CLUH: variants seen among roughly 807,000 people sequenced by gnomAD.
The protein encoded by CLUH is CLUH binding protein of NUMT mRNA, also known as clustered mitochondria protein homolog.
A neutral mutation model predicts 139.3 loss-of-function variants in CLUH; 77 were observed. That is an observed-to-expected ratio of 0.55 (90% CI 0.46 to 0.67). The LOEUF (loss-of-function observed/expected upper bound fraction) is 0.67, where lower values mean the gene tolerates loss of function less well. Ranked by LOEUF, CLUH falls within the 30% of genes least tolerant of loss-of-function variation. The probability of loss-of-function intolerance (pLI) is 0.00; values close to 1 mark genes in which losing one functional copy is unlikely to be tolerated. For missense variants in CLUH, 1,876 were observed against 1,875.8 expected, an observed-to-expected ratio of 1.00 and a Z score of 0.00; for synonymous variants, 999 against 801.6, an observed-to-expected ratio of 1.25 and a Z score of -4.16.
Position 2,707,594 on chromosome 17 carries a change from C to T in CLUH, c.101-3030G>A. On this transcript the variant is annotated intron_variant, in intron 1 of 25. Coordinates refer to ENST00000651024, the MANE Select transcript of CLUH (RefSeq NM_001366661.1). The surrounding 1 kb of genome is among the most constrained non-coding windows in gnomAD (Gnocchi z 7.4). ...ACCCAGAATTTGGGGTACCTGGACCCCTCAAGATTGAGGGCCTAGGAGACT... is the reference window on the plus strand; with the variant it reads ...ACCCAGAATTTGGGGTACCTGGACCTCTCAAGATTGAGGGCCTAGGAGACT... 1.0e-6 allele frequency: 1 copy of T among 985,400 alleles called. No homozygotes were observed. Among genetic ancestry groups the T allele is most frequent in the Non-Finnish European group, 1.2e-6 (1 of 829,894 alleles). 61.0% of individuals were successfully genotyped at this position (985,400 alleles called of 1,614,324 possible). A position where few individuals can be genotyped will look rare whatever the true frequency, so the allele number is the denominator to read the frequency against.
intron 23 of CLUH, 41 bp from the exon 24 acceptor site, chr17:2,691,936 CGCGG>C: frequency 1.7e-5 from 19 of 1,125,090 alleles, no homozygotes; most frequent in South Asian, 1.2e-4. Flanking sequence ...CCCGTGCCCC[CGCGG>C]CCCCGCCCCC....
chr17:2,700,371 G>A lies in CLUH; in HGVS notation c.1266+11C>T, dbSNP rs745365456. On this transcript the variant is annotated intron_variant, in intron 9 of 25. Coordinates refer to ENST00000651024, the MANE Select transcript of CLUH (RefSeq NM_001366661.1). ...GGCCTCAGACTGCCGGTCAGCAGAG[G>A]CTGCAGGCACCTTGAATATGGCCCT... 4 of 1,610,162 alleles carry A rather than the reference G, an allele frequency of 2.5e-6. No homozygotes were observed. The highest frequency in any genetic ancestry group is 3.4e-6 in the Non-Finnish European group (4 of 1,178,342).
At position 2,701,130 on chromosome 17, in the gene CLUH, A is replaced by C; in HGVS notation, c.1025+10T>G. 1.9e-6 allele frequency: 3 copies of C among 1,613,804 alleles called. No homozygotes were observed. The highest frequency in any genetic ancestry group is 2.5e-6 in the Non-Finnish European group (3 of 1,179,858). On this transcript the variant is annotated intron_variant, in intron 7 of 25. Coordinates refer to ENST00000651024, the MANE Select transcript of CLUH (RefSeq NM_001366661.1). ...CCATGAGACAAGGCGGGAGGGGACA[A>C]AGGCACTACCTTTTCTTCTGCAGCA...
chr17:2,701,016 G>A (rs1002966107), intron 7 of CLUH, 124 bp downstream of exon 7: 52 of 1,522,544 alleles, frequency 3.4e-5, no homozygotes, highest in African/African-American at 3.3e-4. Flanking sequence ...TCCCTAGAGC[G>A]GGGACTCCAA....
intron 9 of CLUH, among the ~76,000 whole-genome samples, chr17:2,699,951 C>T (rs2070114959): frequency 6.6e-6 from 1 of 152,064 alleles, no homozygotes. Flanking sequence ...TTTTCTTAAG[C>T]AACTGCTTTT....
intron 13 of CLUH, chr17:2,695,829 C>G: frequency 1.7e-6 from 1 of 579,296 alleles, no homozygotes; most frequent in South Asian, 2.2e-5. Flanking sequence ...GGGGAGCACC[C>G]AGCATCCTGG....
rs760580215 is a variant in CLUH at position 2,701,926 on chromosome 17, C to T, written c.607G>A (p.Gly203Ser). The change falls in exon 4 of 26, where the codon GGC (glycine) becomes AGC (serine). Residue 203 changes from glycine (G) to serine (S), a missense_variant. Around this residue, in one of 3 missense-constraint regions of CLUH, gnomAD observed 270 missense variants for 354.7 expected, o/e 0.76. Transcript: ENST00000651024. ...GTGCCTCCCGCACCTCCCAGGTCGC[C>T]GTCGGTGAAGACACTCAGGAAGGAC... ...SLSFLSVFTD[G>S]DLGDSGKRKK... 1.1e-5 allele frequency: 18 copies of T among 1,613,752 alleles called. No individual in the cohort carries two copies. The highest frequency in any genetic ancestry group is 1.4e-5 in the Non-Finnish European group (17 of 1,179,914).
Position 2,701,693 on chromosome 17 carries a change from A to G in CLUH, c.664T>C (p.Cys222Arg). The G allele has an allele frequency of 6.3e-7, 1 of 1,591,698 alleles. No homozygotes were observed. Among genetic ancestry groups the G allele is most frequent in the Non-Finnish European group, 8.6e-7 (1 of 1,169,252 alleles). The change falls in exon 5 of 26, where the codon TGC (cysteine) becomes CGC (arginine). Residue 222 changes from cysteine (C) to arginine (R), a missense_variant. Coordinates refer to ENST00000651024, the MANE Select transcript of CLUH (RefSeq NM_001366661.1). ...KKGLEMDPID[C>R]TPPEYILPGS... ...GGCAGGATGTACTCGGGTGGTGTGC[A>G]GTCGATGGGGTCCATCTCCAAGCCC...
At chr17:2,708,380 C>T (rs1269570155) in intron 1 of CLUH, among the ~76,000 whole-genome samples, 2 of 152,138 alleles carry the variant, frequency 1.3e-5, no homozygotes, top group Admixed American at 6.5e-5. Flanking sequence ...GCAGGGCAGC[C>T]TGGCAGTGAC....
chr17:2,693,556 C>T (rs2069802491), intron 19 of CLUH, among the ~76,000 whole-genome samples: 1 of 127,520 alleles, frequency 7.8e-6, no homozygotes, highest in African/African-American at 3.0e-5. Context: ...CCCGGCCAGG[C>T]AGGGCACCCA....
intron 1 of CLUH, among the ~76,000 whole-genome samples, chr17:2,705,074 G>A (rs927692632): frequency 3.5e-5 from 5 of 141,112 alleles, no homozygotes; most frequent in African/African-American, 1.1e-4. Context: ...CTCCTGCCCC[G>A]TGGCTCACAC....
chr17:2,695,578 A>C (rs2069907990), intron 13 of CLUH, 52 bp from the exon 14 acceptor site: 1 of 1,518,828 alleles, frequency 6.6e-7, no homozygotes. Context: ...CCTCCACCCA[A>C]CTGAGTCCTT....
Position 2,701,672 on chromosome 17 carries a change from G to C in CLUH, c.685C>G (p.Leu229Val). The change falls in exon 5 of 26, where the codon CTG becomes GTG. Residue 229 changes from leucine (L) to valine (V), a missense_variant. Physicochemically the swap from Leu to Val is conservative, Grantham distance 32. Coordinates refer to ENST00000651024, the MANE Select transcript of CLUH (RefSeq NM_001366661.1). ...PIDCTPPEYI[L>V]PGSRERPLCP... Reference sequence around the variant, plus strand: ...AGTGGCCGCTCCCGGCTCCCTGGCAGGATGTACTCGGGTGGTGTGCAGTCG... The same window carrying C: ...AGTGGCCGCTCCCGGCTCCCTGGCACGATGTACTCGGGTGGTGTGCAGTCG... 1 of 1,599,608 alleles carries C rather than the reference G, an allele frequency of 6.3e-7. No homozygotes were observed. Among genetic ancestry groups the C allele is most frequent in the Non-Finnish European group, 8.5e-7 (1 of 1,173,122 alleles).
At position 2,698,175 on chromosome 17, in the gene CLUH, C is replaced by T. The variant is rs554152603; in HGVS notation, c.1682G>A (p.Arg561His). ...CAGGATCTTGAGGGGCCGACTCGTG[C>T]GCTCCAGCAGCTCCAGGTACCGCGG... ...SHPRYLELLE[R>H]TSRPLKILRH... The change falls in exon 10 of 26, where the codon CGC becomes CAC. Residue 561 changes from arginine (R) to histidine (H), a missense_variant. By Grantham distance (29) the Arg-to-His change is conservative. Coordinates refer to ENST00000651024, the MANE Select transcript of CLUH (RefSeq NM_001366661.1). 2.7e-5 allele frequency: 42 copies of T among 1,574,808 alleles called. No individual in the cohort carries two copies. Among genetic ancestry groups the T allele is most frequent in the South Asian group, 1.5e-4 (13 of 86,214 alleles).
chr17:2,696,456 G>C lies in CLUH; in HGVS notation c.2268C>G (p.Phe756Leu). Residue 756 changes from phenylalanine (F) to leucine (L), a missense_variant, in exon 12 of 26, where the codon TTC becomes TTG. By Grantham distance (22) the Phe-to-Leu change is conservative. Transcript: ENST00000651024. ...TGCCTGGTGAGAAGATGTCAGGATT[G>C]AAGCGAATGTCGAAGGCGGTGCTGC... is the stretch of plus-strand genomic sequence containing the variant. ...SISSTAFDIR[F>L]NPDIFSPGVR... The C allele has an allele frequency of 6.3e-7, 1 of 1,594,300 alleles. No homozygotes were observed. Among genetic ancestry groups the C allele is most frequent in the Non-Finnish European group, 8.5e-7 (1 of 1,171,896 alleles).
intron 19 of CLUH, among the ~76,000 whole-genome samples, chr17:2,693,419 ACC>A (rs2069793620): frequency 6.6e-6 from 1 of 151,856 alleles, no homozygotes; most frequent in Non-Finnish European, 1.5e-5. Context: ...CAAACAAACA[ACC>A]CACCCATTTA....
chr17:2,699,946 T>C (rs1446699553), intron 9 of CLUH, among the ~76,000 whole-genome samples: 2 of 152,174 alleles, frequency 1.3e-5, no homozygotes, highest in Admixed American at 6.5e-5. Context: ...TTTTTTTTTC[T>C]TAAGCAACTG....
At position 2,703,296 on chromosome 17, in the gene CLUH, G is replaced by C. The variant is rs200833360; in HGVS notation, c.475+22C>G. ...CCTCCGTGGGCCCTCCCCCGGGCAG[G>C]CTGTCCAACTTCCAGACCAACCTTC... On this transcript the variant is annotated intron_variant, in intron 3 of 25. Coordinates refer to ENST00000651024, the MANE Select transcript of CLUH (RefSeq NM_001366661.1). This position sits in a 1 kb window ranked among gnomAD's most constrained non-coding sequence, Gnocchi z 4.2. 6.3e-7 allele frequency: 1 copy of C among 1,598,138 alleles called. No individual in the cohort carries two copies. Among genetic ancestry groups the C allele is most frequent in the East Asian group, 2.3e-5 (1 of 44,010 alleles).
At chr17:2,692,722 G>C (rs1451802741) in intron 20 of CLUH, 26 bp from the exon 21 acceptor site, 3 of 1,605,216 alleles carry the variant, frequency 1.9e-6, no homozygotes, top group Non-Finnish European at 2.6e-6. Flanking sequence ...AGACAGGTCA[G>C]GGTGGCCGCG....
Sources: allele counts gnomAD v4.1 joint callset (sites outside exome capture counted in the v4.1 genomes callset), GRCh38; gene constraint gnomAD v4.1.1; regional missense constraint gnomAD v4.1.1; non-coding constraint Gnocchi (gnomAD v3.1); transcripts MANE v1.5; gene names NCBI Gene and HGNC (gene_info 2026-07-23, HGNC 2026-07-21).